ZSCAN25: variants seen among roughly 807,000 people sequenced by gnomAD.
The protein encoded by ZSCAN25 is zinc finger and SCAN domain containing 25, also known as zinc finger and SCAN domain-containing protein 25.
In ZSCAN25, 27 loss-of-function variants were observed where a neutral mutation model predicts 38.7. The ratio of observed to expected loss-of-function variants is 0.70; its 90% CI spans 0.51 to 0.96. The LOEUF is 0.96. Ranked by LOEUF, ZSCAN25 falls within the 40% of genes least tolerant of loss-of-function variation. The pLI is 0.00. For missense variants in ZSCAN25, 637 were observed against 705.9 expected (o/e 0.90, Z 1.11); for synonymous variants, 273 against 277.7 (o/e 0.98, Z 0.17).
the ZSCAN25 span, chr7:99,660,754 G>T: frequency 5.6e-6 from 8 of 1,432,316 alleles, no homozygotes; most frequent in Non-Finnish European, 6.7e-6. Flanking sequence ...ATCCCAAGAA[G>T]AAAAAATGGA....
At chr7:99,673,151 G>A in the ZSCAN25 span, among the ~76,000 whole-genome samples, 4 of 152,204 alleles carry the variant, frequency 2.6e-5, no homozygotes, top group Admixed American at 2.0e-4. Flanking sequence ...GGGGCCCATG[G>A]ACATCTAGAG....
chr7:99,725,761 G>T, the ZSCAN25 span, among the ~76,000 whole-genome samples: 1 of 152,132 alleles, frequency 6.6e-6, no homozygotes, highest in Non-Finnish European at 1.5e-5. Flanking sequence ...CGATCACCTC[G>T]GAAGCCCCCC....
At chr7:99,617,070 C>T (rs1419433654) in intron 1 of ZSCAN25, 54 bp downstream of exon 1, 1 of 152,154 alleles carries the variant, frequency 6.6e-6, no homozygotes, top group African/African-American at 2.4e-5. Context: ...TAAACGGGCG[C>T]GGGGACGGGT....
chr7:99,688,314 G>A, the ZSCAN25 span, among the ~76,000 whole-genome samples: 2 of 152,106 alleles, frequency 1.3e-5, no homozygotes, highest in African/African-American at 2.4e-5. Context: ...TCAAAATAAA[G>A]GGATGGAGGA....
the ZSCAN25 span, among the ~76,000 whole-genome samples, chr7:99,734,283 C>T: frequency 9.2e-5 from 14 of 152,168 alleles, no homozygotes; most frequent in African/African-American, 3.1e-4. Context: ...ATGTGACAGG[C>T]GGGAAGCCTC....
rs1386141810 is a variant in ZSCAN25, at chr7:99,632,255, A to AT, written c.*2240dup. ...TTTCCCATGGGATTGTGGTAGTCTG[A>AT]TTTTTCATATCTATTCAAATGTTAA... is the stretch of plus-strand genomic sequence containing the variant. On this transcript the variant is annotated 3_prime_UTR_variant, in exon 8 of 8. Coordinates refer to ENST00000394152, the MANE Select transcript of ZSCAN25 (RefSeq NM_145115.3). 1.0e-6 allele frequency: 1 copy of AT among 982,720 alleles called. No individual in the cohort carries two copies. The highest frequency in any genetic ancestry group is 1.2e-6 in the Non-Finnish European group (1 of 828,016). 60.9% of individuals were successfully genotyped at this position (982,720 alleles called of 1,614,324 possible).
the ZSCAN25 span, among the ~76,000 whole-genome samples, chr7:99,674,882 C>T: frequency 1.3e-5 from 2 of 152,156 alleles, no homozygotes. Flanking sequence ...TTCTTTTATT[C>T]TCTCTAAAGT....
chr7:99,700,323 T>C, the ZSCAN25 span, among the ~76,000 whole-genome samples: 3 of 152,186 alleles, frequency 2.0e-5, no homozygotes, highest in Non-Finnish European at 2.9e-5. Context: ...TATCAGAAAC[T>C]GAAGTGGAGC....
chr7:99,644,271 G>A, the ZSCAN25 span, among the ~76,000 whole-genome samples: 1 of 152,070 alleles, frequency 6.6e-6, no homozygotes, highest in Non-Finnish European at 1.5e-5. Context: ...TCCTGTTTGG[G>A]GTAGCATTTG....
chr7:99,631,091 A>C lies in ZSCAN25; in HGVS notation c.*1071A>C. ...GGGGGAGAAGCTGTTGACCTCGTAG[A>C]GCTTATGTCTCGTGGATGTACCTGA... On this transcript the variant is annotated 3_prime_UTR_variant, in exon 8 of 8. Transcript: ENST00000394152. The C allele has an allele frequency of 1.0e-6, 1 of 985,328 alleles. No homozygotes were observed. The highest frequency in any genetic ancestry group is 1.2e-6 in the Non-Finnish European group (1 of 829,892). The allele number at this position is 985,328 out of a possible 1,614,324, so 61.0% of individuals were successfully genotyped here.
the ZSCAN25 span, among the ~76,000 whole-genome samples, chr7:99,702,297 G>C: frequency 6.6e-6 from 1 of 152,022 alleles, no homozygotes; most frequent in African/African-American, 2.4e-5. Flanking sequence ...CACCTTATTG[G>C]CCAGGCTGGT....
chr7:99,633,673 C>T (rs1235715248), downstream of ZSCAN25, among the ~76,000 whole-genome samples: 4 of 152,144 alleles, frequency 2.6e-5, no homozygotes, highest in Non-Finnish European at 5.9e-5. Flanking sequence ...TAAGGTGCTA[C>T]CCCTTCCTTG....
chr7:99,717,579 T>A, the ZSCAN25 span: 2 of 1,613,808 alleles, frequency 1.2e-6, no homozygotes, highest in Non-Finnish European at 1.7e-6. Context: ...CGTATTCTCT[T>A]CCATTCTTCA....
At chr7:99,662,693 G>T in the ZSCAN25 span, 2 of 882,882 alleles carry the variant, frequency 2.3e-6, no homozygotes, top group Non-Finnish European at 3.6e-6. The surrounding 1 kb of genome is among the most constrained non-coding windows in gnomAD (Gnocchi z 4.3). Context: ...ACATCTAAAT[G>T]TGTGTTGTTC....
the ZSCAN25 span, among the ~76,000 whole-genome samples, chr7:99,707,080 G>C: frequency 6.6e-6 from 1 of 152,262 alleles, no homozygotes; most frequent in East Asian, 1.9e-4. Context: ...GAGGGGCTTG[G>C]GAATTGAACT....
chr7:99,620,084 C>G (rs1469904017), intron 4 of ZSCAN25, 91 bp downstream of exon 4: 7 of 1,450,922 alleles, frequency 4.8e-6, no homozygotes, highest in Non-Finnish European at 6.3e-6. Flanking sequence ...TAGGAGTGGA[C>G]GAGGTGTGGA....
At chr7:99,625,842 C>T (rs1562968120) in intron 7 of ZSCAN25, among the ~76,000 whole-genome samples, 1 of 152,228 alleles carries the variant, frequency 6.6e-6, no homozygotes, top group Admixed American at 6.5e-5. Flanking sequence ...CAACTCAAGC[C>T]CATACCTGAA....
At chr7:99,698,246 G>T in the ZSCAN25 span, among the ~76,000 whole-genome samples, 2 of 152,342 alleles carry the variant, frequency 1.3e-5, no homozygotes, top group East Asian at 3.9e-4. Context: ...CTGCCTGGCT[G>T]CCCGAGTCTG....
At chr7:99,663,033 CA>C in the ZSCAN25 span, 1 of 1,395,194 alleles carries the variant, frequency 7.2e-7, no homozygotes. Context: ...CACCAGTGAA[CA>C]AAAACATTCA....
Sources: allele counts gnomAD v4.1 joint callset (sites outside exome capture counted in the v4.1 genomes callset), GRCh38; gene constraint gnomAD v4.1.1; non-coding constraint Gnocchi (gnomAD v3.1); transcripts MANE v1.5; gene names NCBI Gene and HGNC (gene_info 2026-07-23, HGNC 2026-07-21).